Variants in FAM117A observed in about 807,000 individuals in gnomAD.
FAM117A encodes family with sequence similarity 117 member A.
In FAM117A, 21 loss-of-function variants were observed where a neutral mutation model predicts 44.1. That is an observed-to-expected ratio of 0.48 (90% confidence interval 0.34 to 0.69). FAM117A has a LOEUF of 0.69. Ranked by LOEUF, FAM117A falls within the 30% of genes least tolerant of loss-of-function variation. The pLI, the probability that FAM117A is intolerant of heterozygous loss-of-function variation, is 0.01. For synonymous variants in FAM117A, 220 were observed against 238.3 expected (o/e 0.92, Z 0.71); for missense variants, 498 against 589.9 (o/e 0.84, Z 1.61).
At chr17:49,728,656 G>A (rs1012566516) in intron 2 of FAM117A, among the ~76,000 whole-genome samples, 2 of 152,042 alleles carry the variant, frequency 1.3e-5, no homozygotes, top group Non-Finnish European at 2.9e-5. Flanking sequence ...AAAAATACAC[G>A]AAGACTCAAA....
At chr17:49,754,301 G>A (rs2073689001) in intron 1 of FAM117A, among the ~76,000 whole-genome samples, 1 of 151,788 alleles carries the variant, frequency 6.6e-6, no homozygotes, top group African/African-American at 2.4e-5. Context: ...ACAGAGCACA[G>A]CAAACTCTTT....
At chr17:49,749,083 C>T (rs747795750) in intron 1 of FAM117A, among the ~76,000 whole-genome samples, 23 of 152,178 alleles carry the variant, frequency 1.5e-4, no homozygotes, top group Admixed American at 2.6e-4. Flanking sequence ...CACTGAACCA[C>T]GCAACCTGCT....
At chr17:49,738,987 C>T (rs943623747) in intron 1 of FAM117A, among the ~76,000 whole-genome samples, 4 of 151,950 alleles carry the variant, frequency 2.6e-5, no homozygotes, top group Admixed American at 6.6e-5. Context: ...TGACATGTCT[C>T]GTGCCACCCT....
chr17:49,778,199 T>C (rs1443685130), intron 1 of FAM117A, among the ~76,000 whole-genome samples: 1 of 152,226 alleles, frequency 6.6e-6, no homozygotes, highest in Admixed American at 6.5e-5. Flanking sequence ...AAGTGAATAA[T>C]TGCATACTAC....
In FAM117A at chr17:49,725,397, C is replaced by CT. The variant is rs376650419; in HGVS notation, c.367-2804dup. Among the ~76,000 whole-genome samples, 502 of 152,330 alleles carry CT rather than the reference C, an allele frequency of 3.3e-3. 5 individuals are homozygous for CT. The highest frequency in any genetic ancestry group is 0.011 in the African/African-American group (477 of 41,564). On this transcript the variant is annotated intron_variant, in intron 2 of 7. Transcript: ENST00000240364. The stretch of plus-strand genomic sequence containing the variant: ...AAAACAACACAAATACTTGTCCCGT[C>CT]TGAGTTTATGTTCTTATTGGGGAGA...
chr17:49,751,439 G>A (rs2073677018), intron 1 of FAM117A, among the ~76,000 whole-genome samples: 1 of 151,938 alleles, frequency 6.6e-6, no homozygotes, highest in South Asian at 2.1e-4. Flanking sequence ...AATTAGCTGG[G>A]CATGGTGGCA....
intron 1 of FAM117A, among the ~76,000 whole-genome samples, chr17:49,782,150 C>T (rs974903180): frequency 3.3e-5 from 5 of 151,370 alleles, no homozygotes; most frequent in East Asian, 1.9e-4. Context: ...CCGAGGTGGG[C>T]GGATCACGAG....
At chr17:49,786,869 A>G (rs946378665) in intron 1 of FAM117A, among the ~76,000 whole-genome samples, 1 of 151,982 alleles carries the variant, frequency 6.6e-6, no homozygotes, top group African/African-American at 2.4e-5. Context: ...ACAGTAGTTC[A>G]GCTCAGTAGG....
intron 1 of FAM117A, among the ~76,000 whole-genome samples, chr17:49,746,850 A>C (rs1248992460): frequency 6.6e-6 from 1 of 152,238 alleles, no homozygotes; most frequent in African/African-American, 2.4e-5. Context: ...AACATGAAGG[A>C]CAGTAAAAAG....
intron 1 of FAM117A, among the ~76,000 whole-genome samples, chr17:49,748,467 A>G (rs2073662375): frequency 1.3e-5 from 2 of 152,204 alleles, no homozygotes. Context: ...AACTTACGTT[A>G]GAGGAGGAAA....
chr17:49,726,535 G>A (rs1001854303), intron 2 of FAM117A, among the ~76,000 whole-genome samples: 1 of 152,222 alleles, frequency 6.6e-6, no homozygotes, highest in Non-Finnish European at 1.5e-5. Flanking sequence ...CTCAAGGCAG[G>A]AGTGTACACA....
At chr17:49,745,033 A>C (rs1242021394) in intron 1 of FAM117A, among the ~76,000 whole-genome samples, 6 of 142,614 alleles carry the variant, frequency 4.2e-5, no homozygotes, top group South Asian at 2.3e-4. Flanking sequence ...AAAAAAAAAA[A>C]CACACACACA....
intron 3 of FAM117A, among the ~76,000 whole-genome samples, chr17:49,721,358 C>T (rs955087006): frequency 6.6e-6 from 1 of 152,142 alleles, no homozygotes; most frequent in Non-Finnish European, 1.5e-5. Context: ...GAGAGTAGAT[C>T]TGCTACCCAC....
chr17:49,789,029 C>A (rs1479968489), upstream of FAM117A: 2 of 479,614 alleles, frequency 4.2e-6, no homozygotes, highest in South Asian at 5.0e-5. Context: ...CTGGCCTCGG[C>A]CTATGCTTGC....
At chr17:49,757,709 G>A (rs919364355) in intron 1 of FAM117A, among the ~76,000 whole-genome samples, 1 of 152,196 alleles carries the variant, frequency 6.6e-6, no homozygotes, top group African/African-American at 2.4e-5. Flanking sequence ...CTGAGATCAG[G>A]ATTTGTTTTT....
At chr17:49,712,340 A>G (rs2073482699) in intron 7 of FAM117A, among the ~76,000 whole-genome samples, 1 of 152,148 alleles carries the variant, frequency 6.6e-6, no homozygotes, top group African/African-American at 2.4e-5. Context: ...AAGATGCTTA[A>G]CAGTGTCCCT....
chr17:49,724,905 G>A (rs2073553135), intron 2 of FAM117A, among the ~76,000 whole-genome samples: 2 of 151,744 alleles, frequency 1.3e-5, no homozygotes, highest in South Asian at 4.2e-4. Flanking sequence ...AGCAGCTAGG[G>A]TCATCTCCTC....
At chr17:49,786,165 T>A (rs951348024) in intron 1 of FAM117A, among the ~76,000 whole-genome samples, 1 of 152,186 alleles carries the variant, frequency 6.6e-6, no homozygotes, top group Non-Finnish European at 1.5e-5. Flanking sequence ...CTGGTGTTAG[T>A]TTTTTCATCT....
upstream of FAM117A, among the ~76,000 whole-genome samples, chr17:49,764,750 A>G (rs2073739922): frequency 6.6e-6 from 1 of 152,232 alleles, no homozygotes; most frequent in African/African-American, 2.4e-5. Flanking sequence ...TGTGATTTGC[A>G]TTATATTTGT....
Sources: allele counts gnomAD v4.1 joint callset (sites outside exome capture counted in the v4.1 genomes callset), GRCh38; gene constraint gnomAD v4.1.1; transcripts MANE v1.5; gene names NCBI Gene and HGNC (gene_info 2026-07-23, HGNC 2026-07-21).